The following ESR1 variants were observed in gnomAD, a reference collection of about 807,000 sequenced individuals.
The protein encoded by ESR1 is estrogen receptor.
ESR1 carries 12 observed loss-of-function variants against 52.7 expected under a neutral mutation model. The observed-to-expected ratio is 0.23, with a 90% CI of 0.15 to 0.37. ESR1 has a LOEUF of 0.37. Among genes scored for constraint, ESR1 ranks in the 10% least tolerant of loss-of-function variants. The pLI is 1.00. For missense variants in ESR1, 584 were observed against 779.7 expected (o/e 0.75, Z 2.99); for synonymous variants, 305 against 316.8 (o/e 0.96, Z 0.39).
intron 2 of ESR1, among the ~76,000 whole-genome samples, chr6:151,791,927 A>G (rs867688831): frequency 1.3e-5 from 2 of 152,368 alleles, no homozygotes; most frequent in African/African-American, 4.8e-5. Flanking sequence ...ACAATCATGT[A>G]TCATTTAATG....
intron 2 of ESR1, among the ~76,000 whole-genome samples, chr6:151,744,568 A>C (rs1783344478): frequency 1.3e-5 from 2 of 152,136 alleles, no homozygotes; most frequent in African/African-American, 4.8e-5. Context: ...GATGATTTTA[A>C]ATTTTATTGT....
intron 4 of ESR1, 85 bp downstream of exon 4, chr6:151,944,593 A>G (rs1322979745): frequency 8.2e-7 from 1 of 1,216,866 alleles, no homozygotes; most frequent in Non-Finnish European, 1.2e-6. Context: ...TGGGGGAAAA[A>G]GAAGCAATAA....
At chr6:151,820,747 A>G (rs1015308993) in intron 1 of ESR1, among the ~76,000 whole-genome samples, 1 of 152,092 alleles carries the variant, frequency 6.6e-6, no homozygotes, top group African/African-American at 2.4e-5. Context: ...TTTTATTTTT[A>G]TGGGAAATGG....
At chr6:151,675,680 G>C (rs1460670459) in intron 1 of ESR1, among the ~76,000 whole-genome samples, 1 of 152,178 alleles carries the variant, frequency 6.6e-6, no homozygotes, top group African/African-American at 2.4e-5. Context: ...TGCTACCACT[G>C]TTTTGCACTT....
At chr6:151,717,774 A>G (rs1781160721) in intron 2 of ESR1, among the ~76,000 whole-genome samples, 1 of 152,226 alleles carries the variant, frequency 6.6e-6, no homozygotes, top group Non-Finnish European at 1.5e-5. Context: ...GAAATTTAAG[A>G]ATTAGATAAT....
chr6:152,015,319 A>G (rs950063948), intron 5 of ESR1, among the ~76,000 whole-genome samples: 1 of 152,146 alleles, frequency 6.6e-6, no homozygotes, highest in Non-Finnish European at 1.5e-5. Flanking sequence ...CCGTCTTTTT[A>G]TAAAATCTTC....
rs1481040839 is a variant in ESR1, at chr6:151,929,364, AATT to A, written c.761-14807_761-14805del. Among the ~76,000 whole-genome samples the A allele has an allele frequency of 7.2e-5, 11 of 152,298 alleles. No homozygotes were observed. In the East Asian group the frequency reaches 1.5e-3, roughly 21 times the overall value. ...TTCTTTGGTAGTCTGCTTTGCATGA[AATT>A]AATATAGCCACTCCAGCTTTATTTT... On this transcript the variant is annotated intron_variant, in intron 3 of 7. Coordinates refer to ENST00000206249, the MANE Select transcript of ESR1 (RefSeq NM_000125.4).
chr6:151,677,435 A>G (rs1216774929), intron 1 of ESR1, among the ~76,000 whole-genome samples: 7 of 152,220 alleles, frequency 4.6e-5, no homozygotes, highest in African/African-American at 1.7e-4. Context: ...TCTCTGGGTG[A>G]GAGGGTCACT....
At chr6:151,827,226 G>T (rs1781645879) in intron 1 of ESR1, among the ~76,000 whole-genome samples, 1 of 151,976 alleles carries the variant, frequency 6.6e-6, no homozygotes. Flanking sequence ...TGCTTGGGAG[G>T]CTGAGATGGG....
chr6:151,849,017 G>T (rs552714174), intron 2 of ESR1, among the ~76,000 whole-genome samples: 2 of 151,952 alleles, frequency 1.3e-5, no homozygotes, highest in Admixed American at 1.3e-4. Context: ...AGCACATGTG[G>T]TTCCCTTTTT....
At chr6:152,058,734 C>G (rs1473200438) in intron 5 of ESR1, among the ~76,000 whole-genome samples, 1 of 152,110 alleles carries the variant, frequency 6.6e-6, no homozygotes, top group African/African-American at 2.4e-5. Flanking sequence ...TGGCTTTCTT[C>G]TTGGTACTCT....
chr6:151,691,459 C>T (rs937991631), intron 1 of ESR1, among the ~76,000 whole-genome samples: 1 of 152,148 alleles, frequency 6.6e-6, no homozygotes, highest in Non-Finnish European at 1.5e-5. Context: ...AAGAAGATAA[C>T]CAGTATTCTC....
At chr6:152,014,565 T>C (rs1039759135) in intron 5 of ESR1, among the ~76,000 whole-genome samples, 2 of 152,160 alleles carry the variant, frequency 1.3e-5, no homozygotes, top group African/African-American at 2.4e-5. Flanking sequence ...AACACTCACC[T>C]AGACACTAAA....
chr6:151,701,554 A>C (rs1267100641), intron 1 of ESR1, among the ~76,000 whole-genome samples: 1 of 140,792 alleles, frequency 7.1e-6, no homozygotes, highest in African/African-American at 3.0e-5. Context: ...AAAAAAAAAG[A>C]AGAAGAAGAA....
intron 2 of ESR1, among the ~76,000 whole-genome samples, chr6:151,752,801 C>G (rs1783997782): frequency 6.6e-6 from 1 of 152,172 alleles, no homozygotes; most frequent in African/African-American, 2.4e-5. Context: ...GTTTCTTTCT[C>G]TGATTTACTG....
At chr6:151,883,538 C>G (rs1167664159) in intron 3 of ESR1, among the ~76,000 whole-genome samples, 1 of 151,882 alleles carries the variant, frequency 6.6e-6, no homozygotes, top group Non-Finnish European at 1.5e-5. Flanking sequence ...CTCACAAGCC[C>G]TGTTGGATTA....
At chr6:151,893,041 A>T (rs1794920657) in intron 3 of ESR1, among the ~76,000 whole-genome samples, 1 of 152,204 alleles carries the variant, frequency 6.6e-6, no homozygotes, top group African/African-American at 2.4e-5. Context: ...ATATAAAAAA[A>T]TTAGCCGGGC....
At chr6:152,048,185 A>G (rs917769419) in intron 5 of ESR1, among the ~76,000 whole-genome samples, 4 of 151,756 alleles carry the variant, frequency 2.6e-5, no homozygotes, top group Non-Finnish European at 5.9e-5. Flanking sequence ...CCTGGCCAAC[A>G]TGGTGAAACC....
upstream of ESR1, among the ~76,000 whole-genome samples, chr6:151,688,955 A>G (rs1582895775): frequency 6.6e-6 from 1 of 152,232 alleles, no homozygotes; most frequent in East Asian, 1.9e-4. Context: ...AATGCAAACG[A>G]ATATCAATAA....
Sources: allele counts gnomAD v4.1 joint callset (sites outside exome capture counted in the v4.1 genomes callset), GRCh38; gene constraint gnomAD v4.1.1; transcripts MANE v1.5; gene names NCBI Gene and HGNC (gene_info 2026-07-23, HGNC 2026-07-21).